Variants in TNIP3 observed in about 807,000 individuals in gnomAD.
The protein encoded by TNIP3 is TNFAIP3-interacting protein 3.
TNIP3 carries 34 observed loss-of-function variants against 54.1 expected under a neutral mutation model. The observed-to-expected ratio is 0.63, with a 90% CI of 0.48 to 0.84. TNIP3 has a LOEUF of 0.84. Ranked by LOEUF, TNIP3 falls within the 40% of genes least tolerant of loss-of-function variation. The probability of loss-of-function intolerance (pLI) is 0.00; values close to 1 mark genes in which losing one functional copy is unlikely to be tolerated. For synonymous variants in TNIP3, 134 were observed against 136.8 expected (o/e 0.98, Z 0.14); for missense variants, 366 against 387.6 (o/e 0.94, Z 0.47).
chr4:121,207,548 T>C (rs1018173225), intron 2 of TNIP3, among the ~76,000 whole-genome samples: 2 of 152,234 alleles, frequency 1.3e-5, no homozygotes, highest in Non-Finnish European at 2.9e-5. Flanking sequence ...TTAACTACTT[T>C]AACACTGACT....
At chr4:121,227,235 C>T (rs1727295445) in intron 1 of TNIP3, 1 of 619,442 alleles carries the variant, frequency 1.6e-6, no homozygotes, top group Non-Finnish European at 2.7e-6. Flanking sequence ...AAAACCTTAT[C>T]TTAATTGTTA....
chr4:121,176,757 G>T (rs186376846), intron 3 of TNIP3, among the ~76,000 whole-genome samples: 2 of 151,396 alleles, frequency 1.3e-5, no homozygotes, highest in African/African-American at 4.9e-5. Context: ...GTCAATTTAC[G>T]GTAGTTTGCA....
chr4:121,155,020 T>C (rs1730001664), intron 4 of TNIP3, among the ~76,000 whole-genome samples: 1 of 151,594 alleles, frequency 6.6e-6, no homozygotes, highest in Non-Finnish European at 1.5e-5. Flanking sequence ...TGGAGTGCAA[T>C]GGTGTGATCT....
At chr4:121,141,048 T>A (rs947730279) in intron 9 of TNIP3, among the ~76,000 whole-genome samples, 28 of 152,164 alleles carry the variant, frequency 1.8e-4, no homozygotes, top group African/African-American at 5.6e-4. Context: ...AATCTTAGAT[T>A]TTTTCATCAT....
At chr4:121,161,987 C>T (rs1730482082) in intron 1 of TNIP3, among the ~76,000 whole-genome samples, 1 of 152,186 alleles carries the variant, frequency 6.6e-6, no homozygotes, top group Non-Finnish European at 1.5e-5. Context: ...AGTCTTATTA[C>T]TATCTCATCT....
intron 2 of TNIP3, among the ~76,000 whole-genome samples, chr4:121,200,232 C>G (rs754835463): frequency 6.6e-6 from 1 of 152,034 alleles, no homozygotes; most frequent in African/African-American, 2.4e-5. Context: ...GAATGCTGAA[C>G]AATGGGTTCA....
chr4:121,226,645 T>G (rs569885362), intron 1 of TNIP3, among the ~76,000 whole-genome samples: 2 of 152,332 alleles, frequency 1.3e-5, no homozygotes, highest in African/African-American at 2.4e-5. Context: ...TCAAGAAATA[T>G]CAGCACTGCG....
chr4:121,171,339 GA>G (rs1723927908), intron 3 of TNIP3, among the ~76,000 whole-genome samples: 1 of 152,142 alleles, frequency 6.6e-6, no homozygotes, highest in African/African-American at 2.4e-5. Context: ...AAAGTTACAT[GA>G]GTTGATGGAT....
rs758489234 is a variant in TNIP3 at position 121,147,052 on chromosome 4, G to A, written c.732C>T (p.Ser244=). 2.1e-5 allele frequency: 34 copies of A among 1,608,656 alleles called. No homozygotes were observed. The highest frequency in any genetic ancestry group is 9.3e-6 in the Non-Finnish European group (11 of 1,177,714). Residue 244 remains serine, a synonymous_variant, in exon 7 of 11, where the codon TCC becomes TCT. Transcript: ENST00000057513. ...ATTATTTTGTTTTGACTTGTACCTG[G>A]GAATTCAGCCTGTTCAACTGGGATT... ...TSQSQLNRLN[S]QIKACQMEKE... is the part of the protein sequence containing the mutation.
intron 2 of TNIP3, among the ~76,000 whole-genome samples, chr4:121,194,942 C>A (rs971888434): frequency 6.6e-6 from 1 of 152,028 alleles, no homozygotes; most frequent in African/African-American, 2.4e-5. Context: ...CCAAGGTGGG[C>A]GGATCACCTG....
intron 1 of TNIP3, among the ~76,000 whole-genome samples, chr4:121,221,892 C>T (rs1019400988): frequency 3.9e-5 from 6 of 152,124 alleles, no homozygotes; most frequent in Non-Finnish European, 8.8e-5. Flanking sequence ...ACAGCTCAAT[C>T]ACATCAGAAC....
At chr4:121,177,786 T>C (rs2148824931) in intron 3 of TNIP3, among the ~76,000 whole-genome samples, 1 of 151,068 alleles carries the variant, frequency 6.6e-6, no homozygotes, top group East Asian at 1.9e-4. Context: ...TTGTTTTAAA[T>C]ATAGGGTTTC....
intron 1 of TNIP3, among the ~76,000 whole-genome samples, chr4:121,225,278 G>A (rs2148855785): frequency 6.6e-6 from 1 of 152,232 alleles, no homozygotes. Flanking sequence ...TCATTTGTTT[G>A]GATTGTGCTT....
intron 3 of TNIP3, among the ~76,000 whole-genome samples, chr4:121,170,130 T>G (rs777121423): frequency 1.3e-5 from 2 of 152,238 alleles, no homozygotes; most frequent in African/African-American, 2.4e-5. Context: ...TATGATCTCA[T>G]GGTGCTTTGT....
chr4:121,146,932 G>T, intron 7 of TNIP3, 117 bp downstream of exon 7: 2 of 1,141,392 alleles, frequency 1.8e-6, no homozygotes, highest in Non-Finnish European at 1.2e-6. Context: ...CATCCCAGGT[G>T]CTGACCTTTA....
At position 121,141,819 on chromosome 4, in the gene TNIP3, G is replaced by A. The variant is rs1173560218; in HGVS notation, c.882C>T (p.His294=). The change falls in exon 9 of 11, where the codon CAC becomes CAT. Residue 294 remains histidine, a synonymous_variant. Coordinates refer to ENST00000057513, the MANE Select transcript of TNIP3 (RefSeq NM_024873.6). ...GPGAVQKQRE[H]PPDYQWYALD... ...TTTCAAATGCACTCTTACTTACTGG[G>A]TGCTCCCGTTGCTTCTGCACAGCTC... The A allele has an allele frequency of 5.2e-6, 8 of 1,531,252 alleles. No individual in the cohort carries two copies. The highest frequency in any genetic ancestry group is 6.2e-6 in the Non-Finnish European group (7 of 1,137,926). 94.9% of individuals were successfully genotyped at this position (1,531,252 alleles called of 1,614,324 possible). A position where few individuals can be genotyped will look rare whatever the true frequency, so the allele number is the denominator to read the frequency against.
At chr4:121,184,462 G>T (rs1724896363) in intron 2 of TNIP3, among the ~76,000 whole-genome samples, 1 of 152,166 alleles carries the variant, frequency 6.6e-6, no homozygotes, top group South Asian at 2.1e-4. Context: ...TTTGGCCAGT[G>T]GGATTCTCCT....
chr4:121,204,295 C>T (rs528226864), intron 2 of TNIP3, among the ~76,000 whole-genome samples: 16 of 152,106 alleles, frequency 1.1e-4, no homozygotes, highest in Admixed American at 3.3e-4. Context: ...TTTGGAGAGG[C>T]TAATCAGAAA....
At chr4:121,198,875 G>A (rs781072674) in intron 2 of TNIP3, among the ~76,000 whole-genome samples, 3 of 152,144 alleles carry the variant, frequency 2.0e-5, no homozygotes, top group African/African-American at 4.8e-5. Flanking sequence ...TATACATATA[G>A]CTCTGAGGTA....
Sources: allele counts gnomAD v4.1 joint callset (sites outside exome capture counted in the v4.1 genomes callset), GRCh38; gene constraint gnomAD v4.1.1; transcripts MANE v1.5; gene names NCBI Gene and HGNC (gene_info 2026-07-23, HGNC 2026-07-21).